The following COL22A1 variants were observed in gnomAD, a reference collection of about 807,000 sequenced individuals.
COL22A1 encodes collagen type XXII alpha 1 chain, also known as collagen alpha-1(XXII) chain.
A neutral mutation model predicts 248.9 loss-of-function variants in COL22A1; 221 were observed. That is an observed-to-expected ratio of 0.89 (90% confidence interval 0.80 to 0.99). COL22A1 has a LOEUF of 0.99. COL22A1 is among the 50% of genes least tolerant of loss of function. The pLI, the probability that COL22A1 is intolerant of heterozygous loss-of-function variation, is 0.00. For synonymous variants in COL22A1, 891 were observed against 793.4 expected (o/e 1.12, Z -2.07); for missense variants, 2,240 against 2,179.0 (o/e 1.03, Z -0.56).
chr8:138,842,036 G>A (rs1383738092), intron 4 of COL22A1, among the ~76,000 whole-genome samples: 1 of 152,122 alleles, frequency 6.6e-6, no homozygotes, highest in African/African-American at 2.4e-5. Flanking sequence ...AATACACATT[G>A]TACAGTCCAA....
chr8:138,629,777 A>AATGCCCTTTGTAC (rs1564117084), intron 50 of COL22A1, among the ~76,000 whole-genome samples: 1 of 151,192 alleles, frequency 6.6e-6, no homozygotes, highest in Non-Finnish European at 1.5e-5. Flanking sequence ...ATTAAGTAAT[A>AATGCCCTTTGTAC]ATGCCCTTTG....
intron 16 of COL22A1, among the ~76,000 whole-genome samples, chr8:138,762,725 G>A (rs1204347566): frequency 6.6e-6 from 1 of 150,914 alleles, no homozygotes; most frequent in African/African-American, 2.4e-5. Context: ...AGATGGCCAT[G>A]TGCCTTCTGT....
At chr8:138,717,438 C>A (rs749904501) in intron 27 of COL22A1, among the ~76,000 whole-genome samples, 1 of 152,068 alleles carries the variant, frequency 6.6e-6, no homozygotes, top group Non-Finnish European at 1.5e-5. Context: ...TGAGCCACTG[C>A]GCCCGGCCAG....
At chr8:138,765,102 G>A (rs989837503) in intron 16 of COL22A1, among the ~76,000 whole-genome samples, 3 of 152,154 alleles carry the variant, frequency 2.0e-5, no homozygotes, top group Admixed American at 2.0e-4. Context: ...GGCAAGGTTG[G>A]CAGGCCCAAG....
intron 3 of COL22A1, among the ~76,000 whole-genome samples, chr8:138,865,725 G>T (rs368062839): frequency 6.6e-6 from 1 of 151,402 alleles, no homozygotes; most frequent in Admixed American, 6.6e-5. Flanking sequence ...GTGTATGTGT[G>T]TGTGTGTTTG....
At chr8:138,892,353 A>T (rs1177046334) in intron 1 of COL22A1, among the ~76,000 whole-genome samples, 1 of 152,180 alleles carries the variant, frequency 6.6e-6, no homozygotes, top group East Asian at 1.9e-4. Flanking sequence ...TTAGAAAGGG[A>T]TGATCTCTAC....
intron 3 of COL22A1, among the ~76,000 whole-genome samples, chr8:138,845,204 T>A (rs1321891538): frequency 6.6e-6 from 1 of 152,146 alleles, no homozygotes; most frequent in African/African-American, 2.4e-5. Context: ...AAAGTCTTCA[T>A]GGATCCTCAC....
chr8:138,715,194 G>A (rs1185855988), intron 30 of COL22A1, among the ~76,000 whole-genome samples: 1 of 152,132 alleles, frequency 6.6e-6, no homozygotes, highest in Non-Finnish European at 1.5e-5. Context: ...TGAGGTTTAT[G>A]TCTAGCGTAT....
chr8:138,824,546 A>G (rs368487975), intron 6 of COL22A1, among the ~76,000 whole-genome samples: 2 of 152,354 alleles, frequency 1.3e-5, no homozygotes, highest in East Asian at 3.9e-4. Context: ...AGACTGGCCT[A>G]CAAGACTTAT....
At chr8:138,689,045 G>A (rs975873856) in intron 36 of COL22A1, 75 bp from the exon 37 acceptor site, 18 of 1,224,978 alleles carry the variant, frequency 1.5e-5, no homozygotes, top group African/African-American at 3.0e-5. Context: ...GACCCCCAGG[G>A]AAGAATCATC....
intron 41 of COL22A1, among the ~76,000 whole-genome samples, chr8:138,672,436 A>G (rs1233824173): frequency 2.0e-5 from 3 of 152,156 alleles, no homozygotes; most frequent in Non-Finnish European, 4.4e-5. Flanking sequence ...GGGATGAAAA[A>G]AAAACTGTTC....
chr8:138,735,375 C>A (rs57169449), intron 23 of COL22A1, among the ~76,000 whole-genome samples: 2,960 of 152,224 alleles, frequency 0.019, 81 homozygotes, highest in African/African-American at 0.065. Context: ...CAGGGTGCTA[C>A]TCCCTGCCAT....
At chr8:138,626,680 G>C (rs983377715) in intron 50 of COL22A1, among the ~76,000 whole-genome samples, 1 of 152,268 alleles carries the variant, frequency 6.6e-6, no homozygotes, top group Admixed American at 6.5e-5. Flanking sequence ...GTACACAAGT[G>C]GGGAGCTGAC....
At chr8:138,637,836 T>C (rs1821325658) in intron 47 of COL22A1, among the ~76,000 whole-genome samples, 1 of 152,160 alleles carries the variant, frequency 6.6e-6, no homozygotes, top group Non-Finnish European at 1.5e-5. Flanking sequence ...ATCATGATCA[T>C]TATCATCACC....
intron 3 of COL22A1, among the ~76,000 whole-genome samples, chr8:138,844,370 T>C (rs1377296310): frequency 6.6e-6 from 1 of 152,246 alleles, no homozygotes; most frequent in Non-Finnish European, 1.5e-5. Flanking sequence ...AAATACTGTG[T>C]TCTGTACTGG....
At chr8:138,766,948 G>A (rs904639996) in intron 16 of COL22A1, among the ~76,000 whole-genome samples, 1 of 152,166 alleles carries the variant, frequency 6.6e-6, no homozygotes. Context: ...TGCAGGCTTC[G>A]GCTCCTGCAG....
intron 16 of COL22A1, among the ~76,000 whole-genome samples, chr8:138,768,122 G>A (rs1010151118): frequency 4.1e-4 from 63 of 152,054 alleles, no homozygotes; most frequent in African/African-American, 1.5e-3. Context: ...CTCTGCCCTC[G>A]ATCCGATCCA....
intron 8 of COL22A1, among the ~76,000 whole-genome samples, chr8:138,812,499 A>C (rs1280549856): frequency 6.6e-6 from 1 of 152,130 alleles, no homozygotes; most frequent in East Asian, 1.9e-4. Context: ...GAGGTCCGAG[A>C]ACAGAGCAGA....
chr8:138,591,619 A>C, intron 63 of COL22A1, 118 bp from the exon 64 acceptor site: 1 of 641,526 alleles, frequency 1.6e-6, no homozygotes, highest in Non-Finnish European at 2.5e-6. Context: ...TTCCAGTCTA[A>C]ACCACCCTGA....
Sources: allele counts gnomAD v4.1 joint callset (sites outside exome capture counted in the v4.1 genomes callset), GRCh38; gene constraint gnomAD v4.1.1; transcripts MANE v1.5; gene names NCBI Gene and HGNC (gene_info 2026-07-23, HGNC 2026-07-21).